RNF139: variants seen among roughly 807,000 people sequenced by gnomAD.
RNF139 encodes E3 ubiquitin-protein ligase RNF139.
A neutral mutation model predicts 49.5 loss-of-function variants in RNF139; 15 were observed. That is an observed-to-expected ratio of 0.30 (90% confidence interval 0.20 to 0.47). RNF139 has a LOEUF of 0.47. Ranked by LOEUF, RNF139 falls within the 20% of genes least tolerant of loss-of-function variation. The pLI, the probability that RNF139 is intolerant of heterozygous loss-of-function variation, is 1.00. For synonymous variants in RNF139, 325 were observed against 300.9 expected, an observed-to-expected ratio of 1.08 and a Z score of -0.83; for missense variants, 619 against 806.3, an observed-to-expected ratio of 0.77 and a Z score of 2.81.
intron 1 of RNF139, among the ~76,000 whole-genome samples, chr8:124,481,403 A>G (rs540345648): frequency 6.6e-6 from 1 of 152,308 alleles, no homozygotes; most frequent in East Asian, 1.9e-4. Flanking sequence ...AAAAGAGGGT[A>G]AGGGTATGAA....
rs1816563891 is a variant in RNF139, at chr8:124,487,644, A to C, written c.1995A>C (p.Ter665CysextTer1). ...AAGAATTTAATGATGATACTGACTG[A>C]TGAAAATAGCATTTATTAATGATTG... ...AAEEFNDDTD[*>C] The change falls in exon 2 of 2, where the codon TGA (stop) becomes TGC (cysteine). Residue 665 changes from the stop codon to cysteine, a stop_lost. Coordinates refer to ENST00000303545, the MANE Select transcript of RNF139 (RefSeq NM_007218.4). 2 of 1,587,232 alleles carry C rather than the reference A, an allele frequency of 1.3e-6. No individual in the cohort carries two copies. The highest frequency in any genetic ancestry group is 1.7e-6 in the Non-Finnish European group (2 of 1,167,352).
chr8:124,480,786 C>G (rs1816394612), intron 1 of RNF139, among the ~76,000 whole-genome samples: 1 of 152,114 alleles, frequency 6.6e-6, no homozygotes. Context: ...GCTACCTAGC[C>G]CCCATCCTGA....
Position 124,486,005 on chromosome 8 carries a change from T to G in RNF139, c.356T>G (p.Leu119Arg). 6.2e-7 allele frequency: 1 copy of G among 1,614,216 alleles called. No individual in the cohort carries two copies. Among genetic ancestry groups the G allele is most frequent in the Non-Finnish European group, 8.5e-7 (1 of 1,180,010 alleles). ...ACGTCAGCTTTTGGAATTGAGCTGC[T>G]TCCTCGAAAAGGTCCCTCGCTGTGG... Reference protein sequence around the residue: ...YNTSAFGIELLPRKGPSLWMA... With the variant: ...YNTSAFGIELRPRKGPSLWMA... The change falls in exon 2 of 2, where the codon CTT becomes CGT. Residue 119 changes from leucine to arginine, a missense_variant. Transcript: ENST00000303545.
At chr8:124,484,920 A>G (rs941765660) in intron 1 of RNF139, among the ~76,000 whole-genome samples, 3 of 152,158 alleles carry the variant, frequency 2.0e-5, no homozygotes, top group African/African-American at 4.8e-5. Context: ...AACTAGGAGG[A>G]AAAAAAATGG....
At position 124,480,545 on chromosome 8, in the gene RNF139, CAAA is replaced by C. The variant is rs1413778995; in HGVS notation, c.181+5256_181+5258del. Among the ~76,000 whole-genome samples the C allele has an allele frequency of 1.0e-3, 153 of 151,808 alleles. 1 individual carries two copies. Among genetic ancestry groups the C allele is most frequent in the African/African-American group, 3.5e-3 (143 of 41,400 alleles). ...ATGGAAGGAGATGTACAAGGTGAGA[CAAA>C]GAAGGAGAGAAGAGGAGAAGGGGCG... is the stretch of plus-strand genomic sequence containing the variant. On this transcript the variant is annotated intron_variant, in intron 1 of 1. Coordinates refer to ENST00000303545, the MANE Select transcript of RNF139 (RefSeq NM_007218.4).
Position 124,488,596 on chromosome 8 carries a change from A to T in RNF139, c.*952A>T, listed in dbSNP as rs777685831. 14 of 1,471,796 alleles carry T rather than the reference A, an allele frequency of 9.5e-6. No individual in the cohort carries two copies. The highest frequency in any genetic ancestry group is 2.0e-4 in the Middle Eastern group (1 of 4,988). The allele number at this position is 1,471,796 out of a possible 1,614,324, so 91.2% of individuals were successfully genotyped here. Reference sequence around the variant, plus strand: ...GGAAAGTGGAAGACATATACCAATTATATTCCAGGAAAAAATACTTTAATA... The same window carrying T: ...GGAAAGTGGAAGACATATACCAATTTTATTCCAGGAAAAAATACTTTAATA... On this transcript the variant is annotated 3_prime_UTR_variant, in exon 2 of 2. Coordinates refer to ENST00000303545, the MANE Select transcript of RNF139 (RefSeq NM_007218.4).
rs758345551 is a variant in RNF139 at position 124,486,099 on chromosome 8, C to G, written c.450C>G (p.Ile150Met). The stretch of plus-strand genomic sequence containing the variant: ...TTACACTACTCCAGATTCATTCCAT[C>G]TATTCACAATTAATTATTTTGGATC... ...GYVTLLQIHS[I>M]YSQLIILDLL... Residue 150 changes from isoleucine (I) to methionine (M), a missense_variant, in exon 2 of 2, where the codon ATC becomes ATG. By Grantham distance (10) the Ile-to-Met change is conservative (BLOSUM62 1). This residue lies in a region of RNF139 where 530 missense variants were observed against 728.9 expected (regional missense o/e 0.73). Coordinates refer to ENST00000303545, the MANE Select transcript of RNF139 (RefSeq NM_007218.4). The G allele has an allele frequency of 5.0e-6, 8 of 1,614,174 alleles. No individual in the cohort carries two copies. Among genetic ancestry groups the G allele is most frequent in the Non-Finnish European group, 5.1e-6 (6 of 1,180,002 alleles).
chr8:124,475,339 A>G (rs376362294), intron 1 of RNF139, 49 bp downstream of exon 1: 2,352 of 1,567,004 alleles, frequency 1.5e-3, no homozygotes, highest in Non-Finnish European at 1.8e-3. Flanking sequence ...GCGGGCCGAG[A>G]CGTTCCCCGG....
intron 1 of RNF139, among the ~76,000 whole-genome samples, chr8:124,482,874 C>T (rs1816440289): frequency 1.4e-5 from 2 of 141,070 alleles, no homozygotes; most frequent in African/African-American, 5.4e-5. Flanking sequence ...TGCAGTGAGC[C>T]AAGATCACGC....
In RNF139 at chr8:124,477,060, T is replaced by C. The variant is rs140852981; in HGVS notation, c.181+1770T>C. On this transcript the variant is annotated intron_variant, in intron 1 of 1. Coordinates refer to ENST00000303545, the MANE Select transcript of RNF139 (RefSeq NM_007218.4). The stretch of plus-strand genomic sequence containing the variant: ...ATGGAGAGTGAGGTTATCTGTTTCA[T>C]AGGGTGTTAAAGACAATAAATCTAT... Among the ~76,000 whole-genome samples the C allele has an allele frequency of 5.0e-3, 760 of 152,336 alleles. 5 individuals are homozygous for C. Among genetic ancestry groups the C allele is most frequent in the African/African-American group, 0.016 (647 of 41,580 alleles).
chr8:124,480,164 A>T lies in RNF139; in HGVS notation c.181+4874A>T, dbSNP rs1288895573. Reference sequence around the variant, plus strand: ...TAAAAAAAAAAAATAGTCATTTCTAAGTGTATTCTTACCTAGATGTATATG... The same window carrying T: ...TAAAAAAAAAAAATAGTCATTTCTATGTGTATTCTTACCTAGATGTATATG... On this transcript the variant is annotated intron_variant, in intron 1 of 1. Transcript: ENST00000303545. Among the ~76,000 whole-genome samples the T allele has an allele frequency of 2.6e-5, 4 of 151,958 alleles. No individual in the cohort carries two copies. In the East Asian group the frequency reaches 7.9e-4, roughly 30 times the overall value.
At position 124,487,593 on chromosome 8, in the gene RNF139, G is replaced by A. The variant is rs760143099; in HGVS notation, c.1944G>A (p.Val648=). 1.7e-5 allele frequency: 27 copies of A among 1,612,820 alleles called. No homozygotes were observed. In the South Asian group the frequency reaches 2.6e-4, roughly 16 times the overall value. ...DDDVQRERNG[V]IQHTGAAAEE... ...ATGTTCAAAGAGAAAGAAATGGAGT[G>A]ATTCAGCACACAGGCGCAGCAGCTG... The change falls in exon 2 of 2, where the codon GTG becomes GTA. Residue 648 remains valine (V), a synonymous_variant. Coordinates refer to ENST00000303545, the MANE Select transcript of RNF139 (RefSeq NM_007218.4).
chr8:124,488,279 G>GT lies in RNF139; in HGVS notation c.*641dup, dbSNP rs1816584924. Among the ~76,000 whole-genome samples the GT allele has an allele frequency of 2.0e-5, 3 of 152,094 alleles. No homozygotes were observed. Among genetic ancestry groups the GT allele is most frequent in the African/African-American group, 7.2e-5 (3 of 41,416 alleles). On this transcript the variant is annotated 3_prime_UTR_variant, in exon 2 of 2. Coordinates refer to ENST00000303545, the MANE Select transcript of RNF139 (RefSeq NM_007218.4). ...TGATATAAACCAGAATGTGCTAAAT[G>GT]TTTTTTATGTAAAATTGTATATTTG...
chr8:124,485,481 ATT>A (rs1816512802), intron 1 of RNF139, among the ~76,000 whole-genome samples: 1 of 152,248 alleles, frequency 6.6e-6, no homozygotes, highest in Non-Finnish European at 1.5e-5. Context: ...TAAAAGACAT[ATT>A]CTTTTGAGTT....
At chr8:124,485,808 G>GAAAAAT in intron 1 of RNF139, 23 bp from the exon 2 acceptor site, 1 of 1,542,104 alleles carries the variant, frequency 6.5e-7, no homozygotes, top group Non-Finnish European at 8.8e-7. Context: ...TCATTCAAAT[G>GAAAAAT]ACTTTTTCTT....
Position 124,486,061 on chromosome 8 carries a change from G to A in RNF139, c.412G>A (p.Gly138Arg). ...ACTTATCGTTCTACAGCTAACATTT[G>A]GAATTGGATACGTTACACTACTCCA... Reference protein sequence around the residue: ...MALIVLQLTFGIGYVTLLQIH... With the variant: ...MALIVLQLTFRIGYVTLLQIH... Residue 138 changes from glycine (G) to arginine (R), a missense_variant, in exon 2 of 2, where the codon GGA becomes AGA. By Grantham distance (125) the Gly-to-Arg change is moderately radical. Coordinates refer to ENST00000303545, the MANE Select transcript of RNF139 (RefSeq NM_007218.4). The A allele has an allele frequency of 6.2e-7, 1 of 1,614,078 alleles. No homozygotes were observed. The highest frequency in any genetic ancestry group is 8.5e-7 in the Non-Finnish European group (1 of 1,179,988).
rs369274872 is a variant in RNF139, at chr8:124,487,265, G to A, written c.1616G>A (p.Arg539His). ...TCACTTCCTGAAATAAAAGGGAGCCGCTTACAAGAAATAAATGATGTATGT... is the reference window on the plus strand; with the variant it reads ...TCACTTCCTGAAATAAAAGGGAGCCACTTACAAGAAATAAATGATGTATGT... ...INSLPEIKGS[R>H]LQEINDVCAI... is the part of the protein sequence containing the mutation. The change falls in exon 2 of 2, where the codon CGC (arginine) becomes CAC (histidine). Residue 539 changes from arginine (R) to histidine (H), a missense_variant. Physicochemically the swap from Arg to His is conservative, Grantham distance 29. Transcript: ENST00000303545. The A allele has an allele frequency of 2.9e-5, 47 of 1,613,848 alleles. No homozygotes were observed. The highest frequency in any genetic ancestry group is 8.0e-5 in the African/African-American group (6 of 75,014).
Position 124,487,573 on chromosome 8 carries a change from C to G in RNF139, c.1924C>G (p.Gln642Glu). Residue 642 changes from glutamine (Q) to glutamate (E), a missense_variant, in exon 2 of 2, where the codon CAA (glutamine) becomes GAA (glutamate). By Grantham distance (29) the Gln-to-Glu change is conservative. Around this residue, in one of 2 missense-constraint regions of RNF139, gnomAD observed 530 missense variants for 728.9 expected, o/e 0.73. Transcript: ENST00000303545. ...DDSTDCDDDV[Q>E]RERNGVIQHT... The stretch of plus-strand genomic sequence containing the variant: ...CAGTACAGATTGTGATGATGATGTT[C>G]AAAGAGAAAGAAATGGAGTGATTCA... The G allele has an allele frequency of 6.2e-7, 1 of 1,613,938 alleles. No individual in the cohort carries two copies. Among genetic ancestry groups the G allele is most frequent in the Non-Finnish European group, 8.5e-7 (1 of 1,179,946 alleles).
Position 124,484,805 on chromosome 8 carries a change from C to G in RNF139, c.182-1026C>G, listed in dbSNP as rs1368240165. ...ACATGTCTTGGTTTTCTGAGTGTTA[C>G]TTTTGTAATGTGAAGAACAATAAAA... On this transcript the variant is annotated intron_variant, in intron 1 of 1. Coordinates refer to ENST00000303545, the MANE Select transcript of RNF139 (RefSeq NM_007218.4). Among the ~76,000 whole-genome samples, 3 of 151,936 alleles carry G rather than the reference C, an allele frequency of 2.0e-5. 1 individual carries two copies. Among genetic ancestry groups the G allele is most frequent in the Admixed American group, 2.0e-4 (3 of 15,230 alleles).
Sources: gnomAD v4.1 joint callset for allele counts (sites outside exome capture counted in the v4.1 genomes callset) on GRCh38, gnomAD v4.1.1 for gene constraint, gnomAD v4.1.1 regional missense constraint, MANE v1.5 for transcripts, NCBI Gene and HGNC (gene_info 2026-07-23, HGNC 2026-07-21) for gene names.